The following MAP3K6 variants were observed in gnomAD, a reference collection of about 807,000 sequenced individuals.
The protein encoded by MAP3K6 is mitogen-activated protein kinase kinase kinase 6, also known as apoptosis signal-regulating kinase 2.
MAP3K6 carries 105 observed loss-of-function variants against 147.1 expected under a neutral mutation model. The observed-to-expected ratio is 0.71, with a 90% CI of 0.61 to 0.84. The LOEUF (loss-of-function observed/expected upper bound fraction) is 0.84. Ranked by LOEUF, MAP3K6 falls within the 40% of genes least tolerant of loss-of-function variation. MAP3K6 has a pLI of 0.00. For synonymous variants in MAP3K6, 695 were observed against 732.4 expected (o/e 0.95, Z 0.82); for missense variants, 1,569 against 1,715.0 (o/e 0.91, Z 1.50).
At chr1:27,356,899 G>A (rs2015548151) in intron 24 of MAP3K6, 110 bp downstream of exon 24, 2 of 1,403,220 alleles carry the variant, frequency 1.4e-6, no homozygotes, top group African/African-American at 1.4e-5. Context: ...CCCCACCGGC[G>A]CCTGCCTGCC....
At position 27,364,342 on chromosome 1, in the gene MAP3K6, C is replaced by T. The variant is rs750455626; in HGVS notation, c.557G>A (p.Arg186Gln). 85 of 1,614,000 alleles carry T rather than the reference C, an allele frequency of 5.3e-5. No individual in the cohort carries two copies. The highest frequency in any genetic ancestry group is 1.6e-4 in the Middle Eastern group (1 of 6,084). ...LIPYVVTATGRVLCGDAGLLR... is the reference protein window; with the variant it reads ...LIPYVVTATGQVLCGDAGLLR... ...AAGGCCTGCATCACCACACAGCACC[C>T]GACCAGTGGCCGTCACCACATAGGG... Residue 186 changes from arginine (R) to glutamine (Q), a missense_variant, in exon 4 of 29, where the codon CGG becomes CAG. By Grantham distance (43) the Arg-to-Gln change is conservative. Transcript: ENST00000357582. The surrounding 1 kb of genome is among the most constrained non-coding windows in gnomAD (Gnocchi z 4.4).
At position 27,361,805 on chromosome 1, in the gene MAP3K6, G is replaced by T; in HGVS notation, c.1478C>A (p.Pro493His). 6 of 1,608,582 alleles carry T rather than the reference G, an allele frequency of 3.7e-6. No homozygotes were observed. The highest frequency in any genetic ancestry group is 5.1e-6 in the Non-Finnish European group (6 of 1,177,246). Residue 493 changes from proline (P) to histidine (H), a missense_variant, in exon 10 of 29, where the codon CCC becomes CAC. Coordinates refer to ENST00000357582, the MANE Select transcript of MAP3K6 (RefSeq NM_004672.5). ...GGCACGGCGTGGTGGCCCTCCAGGG[G>T]GCTCTGGCGTGGGCCTGAAGTGCTG... is the stretch of plus-strand genomic sequence containing the variant. ...LYQHFRPTPEPPGGPPRRAHF... is the reference protein window; with the variant it reads ...LYQHFRPTPEHPGGPPRRAHF...
chr1:27,359,362 A>T lies in MAP3K6; in HGVS notation c.2425+55T>A. The T allele has an allele frequency of 1.9e-6, 3 of 1,612,666 alleles. No homozygotes were observed. The East Asian group carries it at 6.7e-5, about 36-fold the overall frequency. On this transcript the variant is annotated intron_variant, in intron 18 of 28. Transcript: ENST00000357582. The surrounding 1 kb of genome is among the most constrained non-coding windows in gnomAD (Gnocchi z 4.4). ...AAACCCCCTTCCCTGGAAAGTTCCAAGAGATCTTCTGCCCCAGGTCAGCAT... is the reference window on the plus strand; with the variant it reads ...AAACCCCCTTCCCTGGAAAGTTCCATGAGATCTTCTGCCCCAGGTCAGCAT...
Position 27,364,165 on chromosome 1 carries a change from G to GC in MAP3K6, c.695+38dup. ...GCCCCAGCCCACCATACCCTCACCA[G>GC]CCCCCTCCTGGAGCACCCTCCCTGG... On this transcript the variant is annotated intron_variant, in intron 4 of 28. Transcript: ENST00000357582. This position sits in a 1 kb window ranked among gnomAD's most constrained non-coding sequence, Gnocchi z 4.4. 1 of 1,600,450 alleles carries GC rather than the reference G, an allele frequency of 6.2e-7. No homozygotes were observed. Among genetic ancestry groups the GC allele is most frequent in the Non-Finnish European group, 8.5e-7 (1 of 1,173,524 alleles).
Position 27,363,958 on chromosome 1 carries a change from C to T in MAP3K6, c.823G>A (p.Asp275Asn), listed in dbSNP as rs1418982398. 5 of 1,607,996 alleles carry T rather than the reference C, an allele frequency of 3.1e-6. No individual in the cohort carries two copies. The highest frequency in any genetic ancestry group is 2.2e-5 in the South Asian group (2 of 90,800). The change falls in exon 5 of 29, where the codon GAC becomes AAC. Residue 275 changes from aspartate to asparagine, a missense_variant. By Grantham distance (23) the Asp-to-Asn change is conservative (BLOSUM62 1). Transcript: ENST00000357582. ...GAGAGCAGCAAGTTCATGATGATGT[C>T]GGGGCTCAGCAGCTCCACGCTGTCC... ...RLDSVELLSPDIIMNLLLSYR... is the reference protein window; with the variant it reads ...RLDSVELLSPNIIMNLLLSYR...
rs3813798 is a variant in MAP3K6, at chr1:27,361,231, G to A, written c.1758C>T (p.Arg586=). 1.9e-6 allele frequency: 3 copies of A among 1,613,232 alleles called. No homozygotes were observed. The highest frequency in any genetic ancestry group is 2.5e-6 in the Non-Finnish European group (3 of 1,179,872). Residue 586 remains arginine, a synonymous_variant, in exon 13 of 29, where the codon CGC becomes CGT. Coordinates refer to ENST00000357582, the MANE Select transcript of MAP3K6 (RefSeq NM_004672.5). ...CGVSASKRDE[R]CCFLYALPPA... is the part of the protein sequence containing the mutation. ...GGGGGAGTGCATAGAGGAAGCAGCA[G>A]CGCTCGTCGCGCTTTGAGGCGCTGG...
In MAP3K6 at chr1:27,360,385, G is replaced by C; in HGVS notation, c.2055-17C>G. Reference sequence around the variant, plus strand: ...TGAGAGAACCTGAGGGGAGGTAAGGGAGAGAGGAAAGGGACCGAGGTGGGC... The same window carrying C: ...TGAGAGAACCTGAGGGGAGGTAAGGCAGAGAGGAAAGGGACCGAGGTGGGC... On this transcript the variant is annotated splice_polypyrimidine_tract_variant and intron_variant, in intron 15 of 28. Coordinates refer to ENST00000357582, the MANE Select transcript of MAP3K6 (RefSeq NM_004672.5). This position sits in a 1 kb window ranked among gnomAD's most constrained non-coding sequence, Gnocchi z 4.5. The C allele has an allele frequency of 1.2e-6, 2 of 1,611,322 alleles. No individual in the cohort carries two copies. Among genetic ancestry groups the C allele is most frequent in the Non-Finnish European group, 1.7e-6 (2 of 1,178,744 alleles).
chr1:27,365,554 A>G (rs561702513), intron 1 of MAP3K6, among the ~76,000 whole-genome samples: 15 of 152,172 alleles, frequency 9.9e-5, no homozygotes, highest in South Asian at 2.1e-4. Flanking sequence ...ATGGGGGCCG[A>G]GCATCCGGGC....
intron 22 of MAP3K6, 28 bp from the exon 23 acceptor site, chr1:27,357,604 G>A (rs754253888): frequency 1.3e-6 from 2 of 1,597,492 alleles, no homozygotes; most frequent in South Asian, 2.2e-5. Flanking sequence ...GGTTGTCAGC[G>A]AGTGCTCCAG....
Position 27,361,588 on chromosome 1 carries a change from T to C in MAP3K6, c.1618A>G (p.Lys540Glu). 1 of 1,614,114 alleles carries C rather than the reference T, an allele frequency of 6.2e-7. No individual in the cohort carries two copies. Among genetic ancestry groups the C allele is most frequent in the Non-Finnish European group, 8.5e-7 (1 of 1,180,024 alleles). ...LEMNKVLLPA[K>E]LEVRGTDPVS... ...GGGTCAGTACCCCGAACCTCGAGCT[T>C]TGCAGGCAGCAGCACCTTGTTCATC... The change falls in exon 11 of 29, where the codon AAG becomes GAG. Residue 540 changes from lysine (K) to glutamate (E), a missense_variant. Lys to Glu is a moderately conservative substitution (Grantham distance 56). Coordinates refer to ENST00000357582, the MANE Select transcript of MAP3K6 (RefSeq NM_004672.5).
Position 27,360,443 on chromosome 1 carries a change from C to A in MAP3K6, c.2055-75G>T. On this transcript the variant is annotated intron_variant, in intron 15 of 28. Transcript: ENST00000357582. This position sits in a 1 kb window ranked among gnomAD's most constrained non-coding sequence, Gnocchi z 4.5. ...CCCCGCCCATCCCACGCCAGCCTGG[C>A]CCCGCCCCAAGGACCCGCCCCGCCC... The A allele has an allele frequency of 4.9e-6, 7 of 1,438,600 alleles. No individual in the cohort carries two copies. Among genetic ancestry groups the A allele is most frequent in the South Asian group, 1.3e-5 (1 of 77,734 alleles). The allele number at this position is 1,438,600 out of a possible 1,614,324, so 89.1% of individuals were successfully genotyped here.
Position 27,360,621 on chromosome 1 carries a change from G to A in MAP3K6, c.2054+84C>T, listed in dbSNP as rs959417126. 1.6e-5 allele frequency: 24 copies of A among 1,505,656 alleles called. No homozygotes were observed. The highest frequency in any genetic ancestry group is 2.0e-5 in the Non-Finnish European group (23 of 1,129,670). The allele number at this position is 1,505,656 out of a possible 1,614,324, so 93.3% of individuals were successfully genotyped here. Reference sequence around the variant, plus strand: ...CCTACGAGCCCGCCCACTAGGCCCCGCCCACAGGAGCCGCTCCGCTCGTGG... The same window carrying A: ...CCTACGAGCCCGCCCACTAGGCCCCACCCACAGGAGCCGCTCCGCTCGTGG... On this transcript the variant is annotated intron_variant, in intron 15 of 28. Coordinates refer to ENST00000357582, the MANE Select transcript of MAP3K6 (RefSeq NM_004672.5). This position sits in a 1 kb window ranked among gnomAD's most constrained non-coding sequence, Gnocchi z 4.5.
Position 27,358,423 on chromosome 1 carries a change from G to A in MAP3K6, c.2772C>T (p.Pro924=). Residue 924 remains proline (P), a synonymous_variant, in exon 20 of 29, where the codon CCC becomes CCT. Coordinates refer to ENST00000357582, the MANE Select transcript of MAP3K6 (RefSeq NM_004672.5). The surrounding 1 kb of genome is among the most constrained non-coding windows in gnomAD (Gnocchi z 6.2). The part of the protein sequence containing the change: ...SPSSPRHAPR[P]SDAPSASPTP... The stretch of plus-strand genomic sequence containing the variant: ...CATCCCGCCACCCGCAAGCACCTGA[G>A]GGCCGTGGAGCATGTCGTGGGGAGC... 1 of 1,590,048 alleles carries A rather than the reference G, an allele frequency of 6.3e-7. No individual in the cohort carries two copies. The highest frequency in any genetic ancestry group is 8.5e-7 in the Non-Finnish European group (1 of 1,172,562).
At chr1:27,357,663 G>T in intron 22 of MAP3K6, 48 bp downstream of exon 22, 1 of 1,601,700 alleles carries the variant, frequency 6.2e-7, no homozygotes. Flanking sequence ...ATCAACAGGT[G>T]TCCTGACCCT....
chr1:27,361,137 G>A lies in MAP3K6; in HGVS notation c.1832+20C>T, dbSNP rs550873307. 5.7e-6 allele frequency: 9 copies of A among 1,592,412 alleles called. No individual in the cohort carries two copies. In the East Asian group the frequency reaches 6.8e-5, roughly 12 times the overall value. On this transcript the variant is annotated intron_variant, in intron 13 of 28. Transcript: ENST00000357582. ...GGCATCCTGGCCCTCAGAGTACCCCGACCATGAAAGGCTGCGCACCACTGG... is the reference window on the plus strand; with the variant it reads ...GGCATCCTGGCCCTCAGAGTACCCCAACCATGAAAGGCTGCGCACCACTGG...
In MAP3K6 at chr1:27,366,363, A is replaced by G; in HGVS notation, c.235T>C (p.Cys79Arg). The G allele has an allele frequency of 7.8e-7, 1 of 1,275,946 alleles. No individual in the cohort carries two copies. The highest frequency in any genetic ancestry group is 9.9e-7 in the Non-Finnish European group (1 of 1,012,406). 79.0% of individuals were successfully genotyped at this position (1,275,946 alleles called of 1,614,324 possible). A position where few individuals can be genotyped will look rare whatever the true frequency, so the allele number is the denominator to read the frequency against. Reference sequence around the variant, plus strand: ...GGCCGCGGCCGGGGGACCTGCGCGCAAGCCTCGCGCAGGCAGCGCAGGGGC... The same window carrying G: ...GGCCGCGGCCGGGGGACCTGCGCGCGAGCCTCGCGCAGGCAGCGCAGGGGC... ...PLPLRCLREA[C>R]AQVPRPRPPP... Residue 79 changes from cysteine to arginine, a missense_variant, in exon 1 of 29, where the codon TGC becomes CGC. Physicochemically the swap from Cys to Arg is radical, Grantham distance 180. Transcript: ENST00000357582. This position sits in a 1 kb window ranked among gnomAD's most constrained non-coding sequence, Gnocchi z 5.5.
In MAP3K6 at chr1:27,358,618, G is replaced by C. The variant is rs1386793958; in HGVS notation, c.2584-7C>G. The C allele has an allele frequency of 1.9e-6, 3 of 1,613,618 alleles. No homozygotes were observed. The highest frequency in any genetic ancestry group is 2.5e-6 in the Non-Finnish European group (3 of 1,179,822). ...GGACCTTGTACATACCCACCTGTGG[G>C]GGGAGGGTGAACAAGGGTGACATTC... On this transcript the variant is annotated splice_polypyrimidine_tract_variant and splice_region_variant and intron_variant, in intron 19 of 28. Transcript: ENST00000357582. The surrounding 1 kb of genome is among the most constrained non-coding windows in gnomAD (Gnocchi z 6.2).
chr1:27,365,814 C>T (rs1453977108), intron 1 of MAP3K6, among the ~76,000 whole-genome samples: 1 of 152,116 alleles, frequency 6.6e-6, no homozygotes, highest in African/African-American at 2.4e-5. Context: ...CGGCCCCTTT[C>T]CCTAAGTCCA....
At chr1:27,357,927 C>A (rs1322736588) in intron 21 of MAP3K6, 51 bp from the exon 22 acceptor site, 1 of 1,527,690 alleles carries the variant, frequency 6.5e-7, no homozygotes. Context: ...ACCGGCCAGT[C>A]ACCTCTGTTG....
Sources: allele counts gnomAD v4.1 joint callset (sites outside exome capture counted in the v4.1 genomes callset), GRCh38; gene constraint gnomAD v4.1.1; non-coding constraint Gnocchi (gnomAD v3.1); transcripts MANE v1.5; gene names NCBI Gene and HGNC (gene_info 2026-07-23, HGNC 2026-07-21).